Variants in KIAA1958 observed in about 807,000 individuals in gnomAD.
KIAA1958 encodes the protein KIAA1958.
Under a neutral mutation model 47.2 loss-of-function variants are expected in KIAA1958, and 14 were observed. That is an observed-to-expected ratio of 0.30 (90% confidence interval 0.20 to 0.46). KIAA1958 has a LOEUF of 0.46. Ranked by LOEUF, KIAA1958 falls within the 20% of genes least tolerant of loss-of-function variation. The probability of loss-of-function intolerance (pLI) is 1.00; values close to 1 mark genes in which losing one functional copy is unlikely to be tolerated. For missense variants in KIAA1958, 803 were observed against 909.2 expected (o/e 0.88, Z 1.50); for synonymous variants, 354 against 353.3 (o/e 1.00, Z -0.02).
intron 2 of KIAA1958, among the ~76,000 whole-genome samples, chr9:112,631,403 G>T (rs928682525): frequency 3.3e-5 from 5 of 151,942 alleles, no homozygotes; most frequent in Non-Finnish European, 5.9e-5. Flanking sequence ...GTGCGCACCT[G>T]TGGTCCCAGA....
In KIAA1958 at chr9:112,668,573, G is replaced by T. The variant is rs370563310; in HGVS notation, c.*8504G>T. On this transcript the variant is annotated 3_prime_UTR_variant, in exon 4 of 4. Transcript: ENST00000337530. ...TGGAAGGCCTTGAAAACACACAGGA[G>T]TGTAGAGTATCGTCAGCTCTGATGC... The T allele has an allele frequency of 1.3e-5, 2 of 152,228 alleles. No homozygotes were observed. The highest frequency in any genetic ancestry group is 1.5e-5 in the Non-Finnish European group (1 of 68,042). The allele number at this position is 152,228 out of a possible 1,614,324, so 9.4% of individuals were successfully genotyped here. A position where few individuals can be genotyped will look rare whatever the true frequency, so the allele number is the denominator to read the frequency against.
chr9:112,521,215 G>A (rs1834537767), intron 1 of KIAA1958, among the ~76,000 whole-genome samples: 7 of 152,136 alleles, frequency 4.6e-5, no homozygotes, highest in Admixed American at 3.3e-4. Context: ...TGTTGTTGTT[G>A]TTGTTGTTTA....
At chr9:112,544,669 A>G (rs979855301) in intron 1 of KIAA1958, among the ~76,000 whole-genome samples, 1 of 152,208 alleles carries the variant, frequency 6.6e-6, no homozygotes, top group Non-Finnish European at 1.5e-5. Flanking sequence ...GTCAGTGGAA[A>G]TGACTAATTT....
At chr9:112,510,712 G>A (rs10739360) in intron 1 of KIAA1958, among the ~76,000 whole-genome samples, 145,388 of 152,224 alleles carry the variant, frequency 0.96, 69,487 homozygotes, top group African/African-American at 0.98. Flanking sequence ...ACAACAAAAT[G>A]TACTGTCAGG....
rs1466395351 is a variant in KIAA1958 at position 112,661,270 on chromosome 9, C to G, written c.*1201C>G. ...AATGGTAGGTAATGCAGTTTGAAAC[C>G]ATTTCACTCAGGTAAAATGCAACCT... On this transcript the variant is annotated 3_prime_UTR_variant, in exon 4 of 4. Coordinates refer to ENST00000337530, the MANE Select transcript of KIAA1958 (RefSeq NM_133465.4). 6.6e-6 allele frequency: 1 copy of G among 152,102 alleles called. No individual in the cohort carries two copies. The highest frequency in any genetic ancestry group is 1.5e-5 in the Non-Finnish European group (1 of 68,020). 9.4% of individuals were successfully genotyped at this position (152,102 alleles called of 1,614,324 possible).
chr9:112,640,908 A>G (rs1836879246), intron 2 of KIAA1958, among the ~76,000 whole-genome samples: 1 of 151,938 alleles, frequency 6.6e-6, no homozygotes, highest in Admixed American at 6.6e-5. Context: ...AACCAGTTCT[A>G]CCTTTTGCTA....
chr9:112,623,883 C>T (rs961909997), intron 2 of KIAA1958, among the ~76,000 whole-genome samples: 4 of 152,214 alleles, frequency 2.6e-5, no homozygotes, highest in African/African-American at 7.2e-5. Context: ...GACTGTGAAC[C>T]TATTCAGATT....
intron 1 of KIAA1958, among the ~76,000 whole-genome samples, chr9:112,541,047 T>C (rs750997556): frequency 6.6e-6 from 1 of 152,082 alleles, no homozygotes; most frequent in Non-Finnish European, 1.5e-5. Context: ...TGTTTATTAA[T>C]TTTGATGTGG....
chr9:112,512,311 A>G (rs1834336869), intron 1 of KIAA1958, among the ~76,000 whole-genome samples: 1 of 152,208 alleles, frequency 6.6e-6, no homozygotes, highest in South Asian at 2.1e-4. Flanking sequence ...ACACATCATA[A>G]CCAAGTAGGT....
intron 1 of KIAA1958, among the ~76,000 whole-genome samples, chr9:112,538,748 G>A (rs1405220126): frequency 1.3e-5 from 2 of 152,100 alleles, no homozygotes; most frequent in Middle Eastern, 3.2e-3. Context: ...GAATCTAGAG[G>A]AACTGAATAA....
chr9:112,555,388 AC>A (rs1835223014), intron 1 of KIAA1958, among the ~76,000 whole-genome samples: 1 of 152,204 alleles, frequency 6.6e-6, no homozygotes, highest in Non-Finnish European at 1.5e-5. Context: ...CAGACATTGC[AC>A]TATACAGAGT....
rs377530006 is a variant in KIAA1958 at position 112,561,853 on chromosome 9, TCAAA to T, written c.-24-12183_-24-12180del. Among the ~76,000 whole-genome samples, 159 of 152,214 alleles carry T rather than the reference TCAAA, an allele frequency of 1.0e-3. 1 individual carries two copies. Among genetic ancestry groups the T allele is most frequent in the African/African-American group, 3.5e-3 (147 of 41,542 alleles). ...CTGGGCAACAGAGTGACACTCTGTCTCAAACAAACAAACAAACAAACAAAAAAAC... is the reference window on the plus strand; with the variant it reads ...CTGGGCAACAGAGTGACACTCTGTCTCAAACAAACAAACAAACAAAAAAAC... On this transcript the variant is annotated intron_variant, in intron 1 of 3. Coordinates refer to ENST00000337530, the MANE Select transcript of KIAA1958 (RefSeq NM_133465.4).
In KIAA1958 at chr9:112,537,401, A is replaced by G. The variant is rs1834874792; in HGVS notation, c.-24-36656A>G. On this transcript the variant is annotated intron_variant, in intron 1 of 3. Transcript: ENST00000337530. ...CAGGCGTGAGCCACTGCGCTGGGCC[A>G]GGACAAGATATTTCACAAATATAAC... Among the ~76,000 whole-genome samples the G allele has an allele frequency of 2.0e-5, 3 of 152,226 alleles. No homozygotes were observed. In the South Asian group the frequency reaches 6.2e-4, roughly 32 times the overall value.
At chr9:112,583,873 ATC>A (rs986931603) in intron 2 of KIAA1958, among the ~76,000 whole-genome samples, 79 of 152,284 alleles carry the variant, frequency 5.2e-4, no homozygotes, top group African/African-American at 1.6e-3. Flanking sequence ...CTTAAACTGT[ATC>A]TATAATTTTT....
intron 1 of KIAA1958, among the ~76,000 whole-genome samples, chr9:112,542,960 T>C (rs1435585114): frequency 1.3e-5 from 2 of 152,222 alleles, no homozygotes; most frequent in Non-Finnish European, 2.9e-5. Flanking sequence ...TGCAAAATGA[T>C]ACAAGTTTAA....
chr9:112,494,192 A>G (rs1834015711), intron 1 of KIAA1958, among the ~76,000 whole-genome samples: 1 of 152,132 alleles, frequency 6.6e-6, no homozygotes. Context: ...AAAGCCAATA[A>G]TTTTACTAGA....
intron 1 of KIAA1958, among the ~76,000 whole-genome samples, chr9:112,561,163 T>A (rs981670688): frequency 1.3e-5 from 2 of 151,832 alleles, no homozygotes; most frequent in Admixed American, 6.6e-5. Flanking sequence ...GACGCCATTC[T>A]CCTGCCTCAG....
chr9:112,611,598 T>C (rs1452455625), intron 2 of KIAA1958, among the ~76,000 whole-genome samples: 2 of 151,552 alleles, frequency 1.3e-5, no homozygotes, highest in East Asian at 3.9e-4. Context: ...ATATGAAAAA[T>C]GAACAATATG....
chr9:112,602,099 A>G (rs1345779221), intron 2 of KIAA1958, among the ~76,000 whole-genome samples: 1 of 152,240 alleles, frequency 6.6e-6, no homozygotes, highest in African/African-American at 2.4e-5. Flanking sequence ...AGGAGAAAAC[A>G]TAATATGCAA....
Sources: gnomAD v4.1 joint callset for allele counts (sites outside exome capture counted in the v4.1 genomes callset) on GRCh38, gnomAD v4.1.1 for gene constraint, MANE v1.5 for transcripts, NCBI Gene and HGNC (gene_info 2026-07-23, HGNC 2026-07-21) for gene names.